GSTCD: variants seen among roughly 807,000 people sequenced by gnomAD.
GSTCD encodes glutathione S-transferase C-terminal domain-containing protein.
A neutral mutation model predicts 68.3 loss-of-function variants in GSTCD; 44 were observed. The observed-to-expected ratio is 0.64, with a 90% CI of 0.51 to 0.83. The LOEUF (loss-of-function observed/expected upper bound fraction) is 0.83. Among genes scored for constraint, GSTCD ranks in the 40% least tolerant of loss-of-function variants. The pLI, the probability that GSTCD is intolerant of heterozygous loss-of-function variation, is 0.00. For synonymous variants in GSTCD, 273 were observed against 255.2 expected (o/e 1.07, Z -0.67); for missense variants, 739 against 735.9 (o/e 1.00, Z -0.05).
chr4:105,729,528 T>G, intron 5 of GSTCD, 29 bp downstream of exon 5: 1 of 1,464,908 alleles, frequency 6.8e-7, no homozygotes, highest in Non-Finnish European at 9.5e-7. Flanking sequence ...TTAAGTTTTA[T>G]TCATACTTTG....
At chr4:105,722,524 A>G (rs1010792455) in intron 3 of GSTCD, among the ~76,000 whole-genome samples, 1 of 152,030 alleles carries the variant, frequency 6.6e-6, no homozygotes, top group Non-Finnish European at 1.5e-5. Context: ...ATCTGTGAGT[A>G]TATTTTCAAA....
chr4:105,796,210 A>C (rs546112755), intron 5 of GSTCD, among the ~76,000 whole-genome samples: 1 of 152,340 alleles, frequency 6.6e-6, no homozygotes, highest in East Asian at 1.9e-4. Flanking sequence ...AAAGAGAGAG[A>C]GAGCGAGCTT....
intron 5 of GSTCD, among the ~76,000 whole-genome samples, chr4:105,821,839 C>T (rs1723309083): frequency 6.6e-6 from 1 of 151,680 alleles, no homozygotes; most frequent in Admixed American, 6.6e-5. Context: ...AATGTTATCG[C>T]TGAATTATGA....
chr4:105,806,318 C>T (rs1344488225), intron 5 of GSTCD, among the ~76,000 whole-genome samples: 3 of 152,018 alleles, frequency 2.0e-5, no homozygotes, highest in Non-Finnish European at 4.4e-5. Context: ...AAATGGAGGA[C>T]AAATGCAGAC....
rs563277112 is a variant in GSTCD, at chr4:105,743,044, G to A, written c.1240+13545G>A. Among the ~76,000 whole-genome samples, 9 of 151,600 alleles carry A rather than the reference G, an allele frequency of 5.9e-5. No individual in the cohort carries two copies. In the East Asian group the frequency reaches 1.7e-3, roughly 29 times the overall value. On this transcript the variant is annotated intron_variant, in intron 5 of 11. Coordinates refer to ENST00000515279, the MANE Select transcript of GSTCD (RefSeq NM_001370181.1). ...AGCTCACTGCAAGCGCCGCCTCCCG[G>A]TTTGACGCCATTCTCCTGCCTCAGC...
chr4:105,710,961 C>A (rs1015546111), intron 1 of GSTCD: 1 of 152,156 alleles, frequency 6.6e-6, no homozygotes, highest in Admixed American at 6.5e-5. Flanking sequence ...TAGGACTTAA[C>A]TGCATCCCAT....
rs2149289069 is a variant in GSTCD, at chr4:105,842,029, A to T, written c.1696-36A>T. ...TTTTTATAACTTTGAAGCAGAAGAT[A>T]AAAATAAACCCACATTCTATTGCTT... On this transcript the variant is annotated intron_variant, in intron 10 of 11. Coordinates refer to ENST00000515279, the MANE Select transcript of GSTCD (RefSeq NM_001370181.1). The T allele has an allele frequency of 2.0e-6, 3 of 1,537,514 alleles. No homozygotes were observed. The East Asian group carries it at 6.7e-5, about 35-fold the overall frequency.
intron 5 of GSTCD, among the ~76,000 whole-genome samples, chr4:105,819,711 G>A (rs1356959270): frequency 6.6e-6 from 1 of 151,546 alleles, no homozygotes; most frequent in South Asian, 2.1e-4. Context: ...ACCTGTTCAA[G>A]GTTCTATTAG....
intron 5 of GSTCD, among the ~76,000 whole-genome samples, chr4:105,810,090 A>G (rs1162183820): frequency 1.3e-5 from 2 of 152,108 alleles, no homozygotes; most frequent in African/African-American, 4.8e-5. Context: ...TTACTGCCCT[A>G]CATAATTCTC....
intron 5 of GSTCD, among the ~76,000 whole-genome samples, chr4:105,819,577 C>T (rs900762005): frequency 1.3e-5 from 2 of 151,724 alleles, no homozygotes; most frequent in Admixed American, 6.6e-5. Flanking sequence ...GATAGAACCT[C>T]GGCTTTGCTG....
intron 5 of GSTCD, among the ~76,000 whole-genome samples, chr4:105,754,451 G>T (rs1021076782): frequency 6.6e-6 from 1 of 152,038 alleles, no homozygotes; most frequent in Admixed American, 6.6e-5. Flanking sequence ...TGTGAATTTT[G>T]TATGCTTATT....
At chr4:105,732,588 T>C (rs1733288942) in intron 5 of GSTCD, among the ~76,000 whole-genome samples, 1 of 152,166 alleles carries the variant, frequency 6.6e-6, no homozygotes, top group Non-Finnish European at 1.5e-5. Context: ...TCTTGTCTTC[T>C]TTATTAGTCT....
At chr4:105,789,382 C>T (rs1056085440) in intron 5 of GSTCD, among the ~76,000 whole-genome samples, 10 of 152,078 alleles carry the variant, frequency 6.6e-5, no homozygotes, top group African/African-American at 2.4e-4. Flanking sequence ...TCTCACAAGG[C>T]TACACAGTCA....
chr4:105,773,253 C>T (rs1734925754), intron 5 of GSTCD, among the ~76,000 whole-genome samples: 1 of 152,006 alleles, frequency 6.6e-6, no homozygotes, highest in Non-Finnish European at 1.5e-5. Flanking sequence ...CACTTTTCTT[C>T]TTTATTAGTC....
chr4:105,756,052 G>A (rs989758661), intron 5 of GSTCD, among the ~76,000 whole-genome samples: 2 of 152,082 alleles, frequency 1.3e-5, no homozygotes, highest in African/African-American at 2.4e-5. Context: ...TACATTTACT[G>A]GTTTATTAAT....
chr4:105,845,719 T>G lies in GSTCD; in HGVS notation c.*142T>G, dbSNP rs988886668. ...CTCAGGAAGGAAAGCAACAGGGAAA[T>G]CTTGGAAGTAAAGGCTCCCTGCAAA... On this transcript the variant is annotated 3_prime_UTR_variant, in exon 12 of 12. Coordinates refer to ENST00000515279, the MANE Select transcript of GSTCD (RefSeq NM_001370181.1). 2.5e-6 allele frequency: 2 copies of G among 805,370 alleles called. No homozygotes were observed. Among genetic ancestry groups the G allele is most frequent in the Admixed American group, 2.5e-5 (1 of 40,352 alleles). The allele number at this position is 805,370 out of a possible 1,614,324, so 49.9% of individuals were successfully genotyped here.
At chr4:105,779,208 C>T (rs1202806750) in intron 5 of GSTCD, among the ~76,000 whole-genome samples, 3 of 152,116 alleles carry the variant, frequency 2.0e-5, no homozygotes, top group Non-Finnish European at 4.4e-5. Context: ...GGAACACTTC[C>T]TCAGTCTTTC....
chr4:105,742,377 C>G (rs1310936740), intron 5 of GSTCD, among the ~76,000 whole-genome samples: 2 of 152,146 alleles, frequency 1.3e-5, no homozygotes, highest in Admixed American at 1.3e-4. Context: ...TGAAATTATA[C>G]TTGTCTTTTA....
chr4:105,815,286 C>G (rs1224004276), intron 5 of GSTCD: 1 of 152,122 alleles, frequency 6.6e-6, no homozygotes, highest in East Asian at 1.9e-4. Context: ...CCAAGAGCAA[C>G]CATCTCAAAA....
Sources: allele counts gnomAD v4.1 joint callset (sites outside exome capture counted in the v4.1 genomes callset), GRCh38; gene constraint gnomAD v4.1.1; transcripts MANE v1.5; gene names NCBI Gene and HGNC (gene_info 2026-07-23, HGNC 2026-07-21).